The following APOOL variants were observed in gnomAD, a reference collection of about 807,000 sequenced individuals.
APOOL encodes the protein apolipoprotein O like, also known as MICOS complex subunit MIC27.
In APOOL, 12 loss-of-function variants were observed where a neutral mutation model predicts 23.1. The observed-to-expected ratio is 0.52, with a 90% CI of 0.33 to 0.84. APOOL has a LOEUF of 0.84. APOOL is among the 40% of genes least tolerant of loss of function. APOOL has a pLI of 0.02. For synonymous variants in APOOL, 77 were observed against 69.9 expected (o/e 1.10, Z -0.51); for missense variants, 212 against 199.6 (o/e 1.06, Z -0.37).
chrX:85,030,173 C>A (rs1270595525), intron 1 of APOOL, among the ~76,000 whole-genome samples: 1 of 111,987 alleles, frequency 8.9e-6, no homozygotes, highest in Non-Finnish European at 1.9e-5. Context: ...TACTACTCAG[C>A]CATTAAAAGA....
rs1215153623 is a variant in APOOL at position 85,091,286 on chromosome X, G to A, written c.*3608G>A. The A allele has an allele frequency of 8.9e-6, 1 of 112,299 alleles. No individual in the cohort carries two copies. Among genetic ancestry groups the A allele is most frequent in the South Asian group, 3.7e-4 (1 of 2,714 alleles). The allele number at this position is 112,299 out of a possible 1,213,427, so 9.3% of individuals were successfully genotyped here. A position where few individuals can be genotyped will look rare whatever the true frequency, so the allele number is the denominator to read the frequency against. ...AATAAAAAATAAAGGTATATAATAT[G>A]TCTTAGATTTGATGAAATATGAGTG... On this transcript the variant is annotated 3_prime_UTR_variant, in exon 9 of 9. Coordinates refer to ENST00000373173, the MANE Select transcript of APOOL (RefSeq NM_198450.6).
Position 85,086,848 on chromosome X carries a change from C to T in APOOL, c.719-742C>T, listed in dbSNP as rs749852942. Among the ~76,000 whole-genome samples the T allele has an allele frequency of 3.7e-5, 3 of 81,953 alleles. No individual in the cohort carries two copies. The East Asian group carries it at 1.1e-3, about 31-fold the overall frequency. 71.2% of individuals were successfully genotyped at this position (81,953 alleles called of 115,157 possible). A position where few individuals can be genotyped will look rare whatever the true frequency, so the allele number is the denominator to read the frequency against. On this transcript the variant is annotated intron_variant, in intron 8 of 8. Coordinates refer to ENST00000373173, the MANE Select transcript of APOOL (RefSeq NM_198450.6). Reference sequence around the variant, plus strand: ...CCAAGTAGCTGGGACTACAGGCGCCCGCCAACACGCCCGGCTAATTTTTTG... The same window carrying T: ...CCAAGTAGCTGGGACTACAGGCGCCTGCCAACACGCCCGGCTAATTTTTTG...
chrX:85,083,931 TA>T (rs1337840834), intron 8 of APOOL, among the ~76,000 whole-genome samples: 1 of 111,055 alleles, frequency 9.0e-6, no homozygotes, highest in Non-Finnish European at 1.9e-5. Flanking sequence ...TAAAAAGCTT[TA>T]AGCAGAAAAT....
rs1474429300 is a variant in APOOL at position 85,054,852 on chromosome X, T to TAAAA, written c.295+455_295+456insAAAA. 6.3e-5 allele frequency among the ~76,000 whole-genome samples: 7 copies of TAAAA among 111,714 alleles called. No individual in the cohort carries two copies. The East Asian group carries it at 2.0e-3, about 31-fold the overall frequency. On this transcript the variant is annotated intron_variant, in intron 4 of 8. Coordinates refer to ENST00000373173, the MANE Select transcript of APOOL (RefSeq NM_198450.6). ...AAAACATGTCTCCATTGTTGCTAAT[T>TAAAA]AGTTTAAGTGCTACTTGCTGTTAAA... is the stretch of plus-strand genomic sequence containing the variant.
intron 8 of APOOL, chrX:85,080,453 A>G (rs1924048687): frequency 8.9e-6 from 1 of 111,787 alleles, no homozygotes; most frequent in Admixed American, 9.5e-5. Flanking sequence ...GTGGTCTGAG[A>G]GACAGTTTGT....
intron 1 of APOOL, among the ~76,000 whole-genome samples, chrX:85,038,158 TTA>T (rs1432486158): frequency 8.9e-6 from 1 of 111,744 alleles, no homozygotes; most frequent in African/African-American, 3.2e-5. Flanking sequence ...TTAGTTCTGT[TTA>T]TGTGATTAAT....
At chrX:85,060,742 C>G (rs1268818610) in intron 5 of APOOL, among the ~76,000 whole-genome samples, 4 of 111,742 alleles carry the variant, frequency 3.6e-5, no homozygotes, top group Non-Finnish European at 7.5e-5. Flanking sequence ...TATCCTGAGA[C>G]TTTGCTGAAG....
chrX:85,069,728 A>G (rs1210394705), intron 6 of APOOL, among the ~76,000 whole-genome samples: 1 of 109,614 alleles, frequency 9.1e-6, no homozygotes, highest in Admixed American at 9.9e-5. Flanking sequence ...ACAGTAAGCC[A>G]TATCTGTAGT....
chrX:85,067,727 T>C (rs1471576791), intron 6 of APOOL, among the ~76,000 whole-genome samples: 3 of 110,886 alleles, frequency 2.7e-5, no homozygotes, highest in Non-Finnish European at 5.7e-5. Context: ...AAATGCTTGT[T>C]ATAGTTCTGT....
intron 8 of APOOL, among the ~76,000 whole-genome samples, chrX:85,076,812 G>T (rs933916909): frequency 3.7e-5 from 4 of 107,820 alleles, no homozygotes; most frequent in African/African-American, 1.4e-4. Flanking sequence ...GGAGAAAATT[G>T]CTATTTTGGG....
chrX:85,071,019 G>A (rs759468936), intron 6 of APOOL, among the ~76,000 whole-genome samples: 2 of 111,461 alleles, frequency 1.8e-5, no homozygotes, highest in Non-Finnish European at 3.8e-5. Flanking sequence ...ATTTGCAATG[G>A]CATGGATAAC....
Position 85,087,894 on chromosome X carries a change from G to T in APOOL, c.*216G>T. ...TAAACAATATTAAATGATTGATGAG[G>T]AGACTTAGGTAGAAGTATTAGCTTG... On this transcript the variant is annotated 3_prime_UTR_variant, in exon 9 of 9. Coordinates refer to ENST00000373173, the MANE Select transcript of APOOL (RefSeq NM_198450.6). 1 of 293,829 alleles carries T rather than the reference G, an allele frequency of 3.4e-6. No homozygotes were observed. Among genetic ancestry groups the T allele is most frequent in the Non-Finnish European group, 6.0e-6 (1 of 167,359 alleles). The allele number at this position is 293,829 out of a possible 1,213,427, so 24.2% of individuals were successfully genotyped here.
chrX:85,087,316 C>T (rs1924344753), intron 8 of APOOL, among the ~76,000 whole-genome samples: 1 of 111,134 alleles, frequency 9.0e-6, no homozygotes, highest in Admixed American at 9.6e-5. Flanking sequence ...GTTCTCGGCT[C>T]ATGTATCACC....
chrX:85,042,169 C>A (rs1029149899), intron 1 of APOOL, among the ~76,000 whole-genome samples: 1 of 111,787 alleles, frequency 8.9e-6, no homozygotes, highest in Admixed American at 9.5e-5. Context: ...TGAAACAAAA[C>A]GTTGGTTGTT....
At chrX:85,046,944 G>A (rs983929236) in intron 2 of APOOL, among the ~76,000 whole-genome samples, 2 of 111,139 alleles carry the variant, frequency 1.8e-5, no homozygotes, top group Non-Finnish European at 3.8e-5. Flanking sequence ...CCTTCTGTAT[G>A]GTACTGTAAT....
At chrX:85,014,318 G>A (rs1054252790) in intron 1 of APOOL, among the ~76,000 whole-genome samples, 22 of 111,294 alleles carry the variant, frequency 2.0e-4, no homozygotes, top group African/African-American at 7.2e-4. Flanking sequence ...TACTATCAGC[G>A]TTAGTATTGA....
chrX:85,065,494 GTGT>G (rs1923424120), intron 5 of APOOL, among the ~76,000 whole-genome samples: 1 of 111,741 alleles, frequency 8.9e-6, no homozygotes, highest in Admixed American at 9.6e-5. Context: ...GTACTTTGGT[GTGT>G]TTTTGTAGTG....
chrX:85,012,797 T>C (rs1921335109), intron 1 of APOOL, among the ~76,000 whole-genome samples: 2 of 111,662 alleles, frequency 1.8e-5, no homozygotes, highest in Admixed American at 9.5e-5. Context: ...TATTGGTCTG[T>C]AGTTTTCTTT....
At chrX:85,047,861 G>A (rs769251444) in intron 2 of APOOL, among the ~76,000 whole-genome samples, 3 of 111,267 alleles carry the variant, frequency 2.7e-5, no homozygotes, top group African/African-American at 3.3e-5. Context: ...CTGATTCCAC[G>A]ACTGACTAGT....
Sources: allele counts gnomAD v4.1 joint callset (sites outside exome capture counted in the v4.1 genomes callset), GRCh38; gene constraint gnomAD v4.1.1; transcripts MANE v1.5; gene names NCBI Gene and HGNC (gene_info 2026-07-23, HGNC 2026-07-21).